CFAP47: variants seen among roughly 807,000 people sequenced by gnomAD.
The protein encoded by CFAP47 is cilia and flagella associated protein 47, also known as cilia- and flagella-associated protein 47.
Under a neutral mutation model 148.1 loss-of-function variants are expected in CFAP47, and 29 were observed. That is an observed-to-expected ratio of 0.20 (90% confidence interval 0.15 to 0.27). The LOEUF is 0.27. Among genes scored for constraint, CFAP47 ranks in the 10% least tolerant of loss-of-function variants. The pLI is 1.00. For missense variants in CFAP47, 1,872 were observed against 1,697.5 expected (o/e 1.10, Z -1.81); for synonymous variants, 664 against 577.3 (o/e 1.15, Z -2.15).
At chrX:36,282,022 T>C (rs1941083852) in intron 50 of CFAP47, among the ~76,000 whole-genome samples, 1 of 111,048 alleles carries the variant, frequency 9.0e-6, no homozygotes, top group Non-Finnish European at 1.9e-5. Context: ...AGTTCGTTTG[T>C]ATTTTGGTCA....
intron 62 of CFAP47, 77 bp from the exon 63 acceptor site, chrX:36,379,273 T>G: frequency 2.2e-6 from 2 of 913,966 alleles, no homozygotes; most frequent in Non-Finnish European, 3.1e-6. Context: ...GGATTCAAAT[T>G]CTACTCATCA....
intron 21 of CFAP47, among the ~76,000 whole-genome samples, chrX:36,010,189 T>C (rs2146700252): frequency 8.9e-6 from 1 of 111,950 alleles, no homozygotes; most frequent in African/African-American, 3.2e-5. Context: ...CTCATACATA[T>C]GTAAATATTT....
At chrX:36,030,210 C>A (rs1937265023) in intron 22 of CFAP47, among the ~76,000 whole-genome samples, 1 of 110,786 alleles carries the variant, frequency 9.0e-6, no homozygotes, top group Non-Finnish European at 1.9e-5. Flanking sequence ...AGTCTGTGAT[C>A]TTTAATCTTA....
At chrX:36,075,661 A>G (rs1418669481) in intron 29 of CFAP47, among the ~76,000 whole-genome samples, 4 of 112,168 alleles carry the variant, frequency 3.6e-5, no homozygotes, top group African/African-American at 1.3e-4. Flanking sequence ...ACAGTACACA[A>G]CAGTTTTTCG....
chrX:36,237,761 A>G (rs1478087911), intron 48 of CFAP47, among the ~76,000 whole-genome samples: 2 of 112,166 alleles, frequency 1.8e-5, no homozygotes, highest in South Asian at 3.7e-4. Context: ...TAGGATCCTC[A>G]AAAGAAGCTT....
chrX:36,160,796 A>G (rs1939420025), intron 39 of CFAP47, 27 bp downstream of exon 39: 1 of 284,918 alleles, frequency 3.5e-6, no homozygotes, highest in African/African-American at 2.9e-5. Context: ...GTGTAAATTC[A>G]TTGCAATTAG....
At chrX:35,927,912 TGTAGCAAAA>T (rs1217040985) in intron 2 of CFAP47, among the ~76,000 whole-genome samples, 1 of 109,650 alleles carries the variant, frequency 9.1e-6, no homozygotes, top group Non-Finnish European at 1.9e-5. Flanking sequence ...CAAAATTTCT[TGTAGCAAAA>T]TCTTGCAAGA....
At chrX:36,196,360 T>C (rs781932718) in intron 42 of CFAP47, among the ~76,000 whole-genome samples, 1 of 111,420 alleles carries the variant, frequency 9.0e-6, no homozygotes, top group Non-Finnish European at 1.9e-5. Context: ...ATAATATTGC[T>C]CAGCCTTCTC....
intron 27 of CFAP47, among the ~76,000 whole-genome samples, chrX:36,068,311 C>A (rs750218648): frequency 8.9e-6 from 1 of 112,165 alleles, no homozygotes; most frequent in Admixed American, 9.4e-5. Context: ...TTTGACTTAA[C>A]CTGCCTATTA....
rs189418203 is a variant in CFAP47 at position 36,010,895 on chromosome X, C to T, written c.3418-3879C>T. Among the ~76,000 whole-genome samples the T allele has an allele frequency of 5.4e-3, 600 of 111,249 alleles. 6 individuals carry two copies. Among genetic ancestry groups the T allele is most frequent in the African/African-American group, 0.019 (574 of 30,617 alleles). ...GTATTTAAGACAGTGGCTTTAAAGT[C>T]TTTTTCTAATAAGTCCTATGGCTGG... On this transcript the variant is annotated intron_variant, in intron 21 of 63. Coordinates refer to ENST00000378653, the MANE Select transcript of CFAP47 (RefSeq NM_001304548.2).
chrX:36,143,757 A>G (rs866168731), intron 35 of CFAP47, among the ~76,000 whole-genome samples: 1 of 111,895 alleles, frequency 8.9e-6, no homozygotes, highest in Middle Eastern at 4.6e-3. Flanking sequence ...TTTTATCTCA[A>G]ATATACTCCA....
intron 1 of CFAP47, among the ~76,000 whole-genome samples, chrX:35,924,123 A>G (rs199974770): frequency 0.075 from 7,214 of 96,544 alleles, 505 homozygotes; most frequent in East Asian, 0.14. Context: ...ATGTATGCGT[A>G]CATATATGTA....
At chrX:35,974,892 C>A (rs935595531) in intron 13 of CFAP47, among the ~76,000 whole-genome samples, 13 of 110,399 alleles carry the variant, frequency 1.2e-4, no homozygotes, top group Admixed American at 1.9e-4. Flanking sequence ...GTGAATGGTT[C>A]TTATTTAGTC....
chrX:35,924,190 T>C (rs1935665088), intron 1 of CFAP47, among the ~76,000 whole-genome samples: 1 of 105,201 alleles, frequency 9.5e-6, no homozygotes, highest in Non-Finnish European at 1.9e-5. Flanking sequence ...CGTACATGTA[T>C]GTGTATATAT....
At chrX:35,933,893 A>C (rs968525060) in intron 2 of CFAP47, among the ~76,000 whole-genome samples, 2 of 111,565 alleles carry the variant, frequency 1.8e-5, no homozygotes, top group Non-Finnish European at 3.8e-5. Context: ...GTCTATTCAA[A>C]TTTTTTGCCC....
intron 57 of CFAP47, among the ~76,000 whole-genome samples, chrX:36,320,763 A>G (rs1941472454): frequency 8.9e-6 from 1 of 112,296 alleles, no homozygotes; most frequent in Middle Eastern, 4.7e-3. Context: ...TTGTCTTTTA[A>G]TGGAACTACA....
chrX:36,082,164 G>A (rs1421082707), intron 29 of CFAP47, among the ~76,000 whole-genome samples: 1 of 111,483 alleles, frequency 9.0e-6, no homozygotes, highest in East Asian at 2.8e-4. Context: ...AAGTGTGCAA[G>A]GGTTCCCTTT....
chrX:36,098,661 CT>C (rs1938320646), intron 30 of CFAP47, 131 bp from the exon 31 acceptor site: 1 of 333,608 alleles, frequency 3.0e-6, no homozygotes, highest in African/African-American at 2.7e-5. Context: ...AATTATATAA[CT>C]TTTAAATTTG....
intron 48 of CFAP47, among the ~76,000 whole-genome samples, chrX:36,244,853 A>G (rs1205074969): frequency 9.0e-6 from 1 of 111,604 alleles, no homozygotes; most frequent in African/African-American, 3.3e-5. Context: ...TCCCTAACTC[A>G]TTATATAAAT....
Sources: gnomAD v4.1 joint callset for allele counts (sites outside exome capture counted in the v4.1 genomes callset) on GRCh38, gnomAD v4.1.1 for gene constraint, MANE v1.5 for transcripts, NCBI Gene and HGNC (gene_info 2026-07-23, HGNC 2026-07-21) for gene names.